The following BBS9 variants were observed in gnomAD, a reference collection of about 807,000 sequenced individuals.
BBS9 encodes Bardet-Biedl syndrome 9.
In BBS9, 89 loss-of-function variants were observed where a neutral mutation model predicts 117.7. The ratio of observed to expected loss-of-function variants is 0.76; its 90% CI spans 0.64 to 0.90. The LOEUF is 0.90. BBS9 is among the 40% of genes least tolerant of loss of function. The pLI, the probability that BBS9 is intolerant of heterozygous loss-of-function variation, is 0.00. For synonymous variants in BBS9, 379 were observed against 370.9 expected, an observed-to-expected ratio of 1.02 and a Z score of -0.25; for missense variants, 982 against 1,042.2, an observed-to-expected ratio of 0.94 and a Z score of 0.80.
chr7:33,146,526 A>T (rs1387752391), intron 2 of BBS9, among the ~76,000 whole-genome samples, 162 bp downstream of exon 2: 3 of 151,940 alleles, frequency 2.0e-5, no homozygotes, highest in Non-Finnish European at 1.5e-5. Context: ...ATGGTGAAAC[A>T]CTGTCTCTAC....
intron 9 of BBS9, among the ~76,000 whole-genome samples, chr7:33,303,532 C>CCG (rs1318034573): frequency 6.2e-5 from 8 of 129,974 alleles, no homozygotes; most frequent in African/African-American, 2.4e-4. Context: ...TCCCCCCGCC[C>CCG]CTTCTTTCTT....
chr7:33,501,766 C>T (rs1046805640), intron 19 of BBS9, among the ~76,000 whole-genome samples: 1 of 152,188 alleles, frequency 6.6e-6, no homozygotes, highest in Non-Finnish European at 1.5e-5. Context: ...TTAAGTAACA[C>T]CCACACTCAG....
intron 20 of BBS9, among the ~76,000 whole-genome samples, chr7:33,531,256 G>GA (rs1491301019): frequency 5.9e-5 from 9 of 152,006 alleles, no homozygotes; most frequent in African/African-American, 1.2e-4. Flanking sequence ...AATAGAGAGA[G>GA]GGAGACAGAG....
chr7:33,578,256 T>G (rs1563392529), intron 21 of BBS9, among the ~76,000 whole-genome samples: 1 of 152,198 alleles, frequency 6.6e-6, no homozygotes, highest in Non-Finnish European at 1.5e-5. Flanking sequence ...CTTAGAGATT[T>G]TAAGCAATTT....
chr7:33,546,135 A>G lies in BBS9; in HGVS notation c.2521+11959A>G, dbSNP rs369619392. Among the ~76,000 whole-genome samples the G allele has an allele frequency of 2.2e-3, 335 of 151,940 alleles. 2 individuals carry two copies. The highest frequency in any genetic ancestry group is 7.7e-3 in the African/African-American group (321 of 41,460). On this transcript the variant is annotated intron_variant, in intron 21 of 22. Coordinates refer to ENST00000242067, the MANE Select transcript of BBS9 (RefSeq NM_198428.3). ...TTTTTAGTAGAGACAGGGTTTCACT[A>G]TGTTAGCCAGGATGGTCTTGATCTT...
intron 20 of BBS9, among the ~76,000 whole-genome samples, chr7:33,519,337 C>T (rs1848267065): frequency 6.6e-6 from 1 of 152,144 alleles, no homozygotes; most frequent in African/African-American, 2.4e-5. Context: ...TATGTGACCC[C>T]TTGTGTTGTA....
At chr7:33,303,281 A>G (rs1016925863) in intron 9 of BBS9, among the ~76,000 whole-genome samples, 3 of 152,240 alleles carry the variant, frequency 2.0e-5, no homozygotes, top group African/African-American at 7.2e-5. Context: ...ATTGATCTAG[A>G]TAGGACTTTC....
chr7:33,286,685 T>TG (rs771178116), intron 9 of BBS9, among the ~76,000 whole-genome samples: 104 of 152,172 alleles, frequency 6.8e-4, no homozygotes, highest in African/African-American at 1.0e-3. Context: ...TTTATTTGTG[T>TG]GTGGGGGGCA....
intron 5 of BBS9, among the ~76,000 whole-genome samples, chr7:33,215,217 G>T (rs966373383): frequency 2.0e-5 from 3 of 152,088 alleles, no homozygotes; most frequent in African/African-American, 7.2e-5. Context: ...CACAGCTGGA[G>T]GCATCGCACT....
intron 9 of BBS9, among the ~76,000 whole-genome samples, chr7:33,330,903 G>A (rs2128610161): frequency 1.3e-5 from 2 of 152,238 alleles, no homozygotes; most frequent in South Asian, 2.1e-4. Flanking sequence ...TAGGGTACAC[G>A]GTATTGGATT....
chr7:33,238,113 G>C (rs1185893155), intron 5 of BBS9, among the ~76,000 whole-genome samples: 1 of 152,116 alleles, frequency 6.6e-6, no homozygotes, highest in Non-Finnish European at 1.5e-5. Flanking sequence ...CAATATTTAG[G>C]TCACCATTTT....
At chr7:33,510,306 CTCTG>C (rs1035505067) in intron 20 of BBS9, among the ~76,000 whole-genome samples, 8 of 151,840 alleles carry the variant, frequency 5.3e-5, no homozygotes, top group African/African-American at 1.2e-4. Flanking sequence ...TCGATTGACC[CTCTG>C]TCTGCTTGAA....
intron 5 of BBS9, among the ~76,000 whole-genome samples, chr7:33,237,012 G>T (rs1793651074): frequency 6.6e-6 from 1 of 151,928 alleles, no homozygotes; most frequent in African/African-American, 2.4e-5. Flanking sequence ...GCTTTCAATA[G>T]TTTTTATATT....
chr7:33,505,747 G>A (rs1238691362), intron 20 of BBS9, 102 bp downstream of exon 20: 3 of 1,278,512 alleles, frequency 2.3e-6, no homozygotes, highest in Non-Finnish European at 3.3e-6. Flanking sequence ...TATCAAATAA[G>A]GGTTTGATTT....
At chr7:33,472,643 T>C (rs567086829) in intron 19 of BBS9, among the ~76,000 whole-genome samples, 75 of 152,346 alleles carry the variant, frequency 4.9e-4, no homozygotes, top group African/African-American at 1.8e-3. Context: ...GAGGTAATTG[T>C]AGAATACATC....
chr7:33,431,539 C>T (rs1316319723), intron 19 of BBS9, among the ~76,000 whole-genome samples: 1 of 152,136 alleles, frequency 6.6e-6, no homozygotes, highest in African/African-American at 2.4e-5. Flanking sequence ...AGGATCAGTG[C>T]CTCCATAAGG....
chr7:33,442,134 C>T (rs375034016), intron 19 of BBS9, among the ~76,000 whole-genome samples: 2 of 152,090 alleles, frequency 1.3e-5, no homozygotes, highest in Non-Finnish European at 2.9e-5. Context: ...TTAGGTGATC[C>T]GCTCACGTTG....
At chr7:33,406,505 A>C (rs369661083) in intron 19 of BBS9, among the ~76,000 whole-genome samples, 1 of 151,196 alleles carries the variant, frequency 6.6e-6, no homozygotes, top group Non-Finnish European at 1.5e-5. Context: ...TTTGCTCGTT[A>C]GTTGATGCAG....
intron 21 of BBS9, among the ~76,000 whole-genome samples, chr7:33,572,647 AGAT>A (rs1414286639): frequency 6.6e-6 from 1 of 152,110 alleles, no homozygotes; most frequent in African/African-American, 2.4e-5. Flanking sequence ...AACTGGAGTG[AGAT>A]GATGTCTCAT....
Sources: gnomAD v4.1 joint callset for allele counts (sites outside exome capture counted in the v4.1 genomes callset) on GRCh38, gnomAD v4.1.1 for gene constraint, MANE v1.5 for transcripts, NCBI Gene and HGNC (gene_info 2026-07-23, HGNC 2026-07-21) for gene names.